The following TAFA1 variants were observed in gnomAD, a reference collection of about 807,000 sequenced individuals.
The protein encoded by TAFA1 is TAFA chemokine like family member 1.
In TAFA1, 4 loss-of-function variants were observed where a neutral mutation model predicts 18.5. That is an observed-to-expected ratio of 0.22 (90% CI 0.11 to 0.49). The LOEUF is 0.49. Ranked by LOEUF, TAFA1 falls within the 20% of genes least tolerant of loss-of-function variation. TAFA1 has a pLI of 0.98. For synonymous variants in TAFA1, 56 were observed against 55.2 expected, an observed-to-expected ratio of 1.01 and a Z score of -0.06; for missense variants, 147 against 169.0, an observed-to-expected ratio of 0.87 and a Z score of 0.72.
intron 2 of TAFA1, among the ~76,000 whole-genome samples, chr3:68,385,571 G>T (rs1421960192): frequency 6.6e-6 from 1 of 152,036 alleles, no homozygotes; most frequent in Non-Finnish European, 1.5e-5. Context: ...TATAAAGACT[G>T]AATAAATCCG....
chr3:68,040,760 G>T (rs1177545447), intron 2 of TAFA1, among the ~76,000 whole-genome samples: 2 of 152,136 alleles, frequency 1.3e-5, no homozygotes, highest in Admixed American at 6.5e-5. Context: ...GTTTAAAAAA[G>T]CCCTTCAGGA....
At position 68,544,607 on chromosome 3, in the gene TAFA1, C is replaced by T. The variant is rs1559713501; in HGVS notation, c.*104C>T. 2 of 1,155,510 alleles carry T rather than the reference C, an allele frequency of 1.7e-6. No homozygotes were observed. Among genetic ancestry groups the T allele is most frequent in the African/African-American group, 1.5e-5 (1 of 65,484 alleles). 71.6% of individuals were successfully genotyped at this position (1,155,510 alleles called of 1,614,324 possible). On this transcript the variant is annotated 3_prime_UTR_variant, in exon 5 of 5. Coordinates refer to ENST00000478136, the MANE Select transcript of TAFA1 (RefSeq NM_213609.4). ...ACAAGCCAAATGGATTTCTTACTTG[C>T]ACTTTGACTGGCTACCAGATAATCA...
intron 3 of TAFA1, among the ~76,000 whole-genome samples, chr3:68,499,202 A>G (rs765550661): frequency 1.5e-4 from 23 of 152,022 alleles, no homozygotes; most frequent in Non-Finnish European, 2.8e-4. Context: ...TCAGGGACAA[A>G]CTAATATGAA....
At chr3:68,250,507 C>T (rs6549091) in intron 2 of TAFA1, among the ~76,000 whole-genome samples, 56,654 of 151,904 alleles carry the variant, frequency 0.37, 11,244 homozygotes, top group East Asian at 0.56. Context: ...GTCCTCACAG[C>T]GTCCCCACAG....
At chr3:68,375,711 G>A (rs946697735) in intron 2 of TAFA1, among the ~76,000 whole-genome samples, 1 of 152,088 alleles carries the variant, frequency 6.6e-6, no homozygotes, top group Non-Finnish European at 1.5e-5. Flanking sequence ...CTTTTTGAAT[G>A]TTCTCTGTGT....
At chr3:68,383,692 C>A (rs1396459339) in intron 2 of TAFA1, among the ~76,000 whole-genome samples, 1 of 152,036 alleles carries the variant, frequency 6.6e-6, no homozygotes, top group Non-Finnish European at 1.5e-5. Flanking sequence ...TGATGCTTAC[C>A]ACATAGAATG....
At chr3:68,375,960 A>T (rs921367824) in intron 2 of TAFA1, among the ~76,000 whole-genome samples, 2 of 152,222 alleles carry the variant, frequency 1.3e-5, no homozygotes, top group African/African-American at 4.8e-5. Flanking sequence ...CGAAAGGCAC[A>T]GCCAGAGAGT....
chr3:68,292,318 G>A (rs1440329815), intron 2 of TAFA1, among the ~76,000 whole-genome samples: 6 of 148,100 alleles, frequency 4.1e-5, no homozygotes, highest in South Asian at 4.3e-4. Context: ...TTTACCATAC[G>A]TACTCCCATT....
At chr3:68,035,258 G>A (rs933169612) in intron 2 of TAFA1, among the ~76,000 whole-genome samples, 1 of 152,170 alleles carries the variant, frequency 6.6e-6, no homozygotes, top group Middle Eastern at 3.4e-3. Flanking sequence ...TTTCTCACAC[G>A]CAATGTTGAG....
At chr3:68,456,539 T>G (rs1160055874) in intron 3 of TAFA1, among the ~76,000 whole-genome samples, 1 of 152,184 alleles carries the variant, frequency 6.6e-6, no homozygotes, top group Non-Finnish European at 1.5e-5. Context: ...TTAAAACTAT[T>G]AAACCATCCT....
At chr3:68,035,722 CAT>C (rs1248846213) in intron 2 of TAFA1, among the ~76,000 whole-genome samples, 6 of 152,168 alleles carry the variant, frequency 3.9e-5, no homozygotes, top group Non-Finnish European at 7.3e-5. Flanking sequence ...ACACAAAAAA[CAT>C]GTGTGAATAT....
At chr3:68,411,585 T>C (rs1194725820) in intron 2 of TAFA1, among the ~76,000 whole-genome samples, 1 of 152,232 alleles carries the variant, frequency 6.6e-6, no homozygotes, top group Non-Finnish European at 1.5e-5. Flanking sequence ...AGATAGCTGA[T>C]AATCACCTAA....
chr3:68,064,277 G>C (rs941925392), intron 2 of TAFA1, among the ~76,000 whole-genome samples: 1 of 152,202 alleles, frequency 6.6e-6, no homozygotes, highest in South Asian at 2.1e-4. Context: ...GAGTCAGGAG[G>C]ACTCTCTGGG....
At chr3:68,127,520 C>T (rs144032533) in intron 2 of TAFA1, among the ~76,000 whole-genome samples, 180 of 109,280 alleles carry the variant, frequency 1.6e-3, no homozygotes, top group Non-Finnish European at 2.7e-3. Context: ...TTGGGTGAAA[C>T]ATGGCACGGC....
intron 3 of TAFA1, among the ~76,000 whole-genome samples, chr3:68,504,486 A>G (rs896727868): frequency 5.9e-5 from 9 of 152,164 alleles, no homozygotes; most frequent in Non-Finnish European, 1.2e-4. Context: ...TTGTTCCTAC[A>G]TTGTCTGCCA....
chr3:68,316,816 T>C (rs1247721514), intron 2 of TAFA1, among the ~76,000 whole-genome samples: 4 of 152,200 alleles, frequency 2.6e-5, no homozygotes, highest in Admixed American at 6.5e-5. Context: ...TTGAATTCAG[T>C]GGATTTGGTT....
chr3:68,357,324 T>C (rs2069385153), intron 2 of TAFA1, among the ~76,000 whole-genome samples: 1 of 151,918 alleles, frequency 6.6e-6, no homozygotes, highest in South Asian at 2.1e-4. Flanking sequence ...ATATTTGTTA[T>C]CACTTTAACC....
intron 2 of TAFA1, among the ~76,000 whole-genome samples, chr3:68,355,465 T>C (rs2069343393): frequency 6.6e-6 from 1 of 151,942 alleles, no homozygotes; most frequent in African/African-American, 2.4e-5. Context: ...ATTGTTACGA[T>C]AGATAAATGC....
At chr3:67,998,000 G>A in the TAFA1 span, among the ~76,000 whole-genome samples, 3 of 150,522 alleles carry the variant, frequency 2.0e-5, no homozygotes, top group South Asian at 6.3e-4. Context: ...AATAAAATAT[G>A]AAAAATACAA....
Sources: gnomAD v4.1 joint callset for allele counts (sites outside exome capture counted in the v4.1 genomes callset) on GRCh38, gnomAD v4.1.1 for gene constraint, MANE v1.5 for transcripts, NCBI Gene and HGNC (gene_info 2026-07-23, HGNC 2026-07-21) for gene names.